Variants in UNKL observed in about 807,000 individuals in gnomAD.
UNKL encodes putative E3 ubiquitin-protein ligase UNKL.
Under a neutral mutation model 78.0 loss-of-function variants are expected in UNKL, and 60 were observed. The ratio of observed to expected loss-of-function variants is 0.77; its 90% CI spans 0.63 to 0.95. UNKL has a LOEUF of 0.95. UNKL is among the 40% of genes least tolerant of loss of function. UNKL has a pLI of 0.00. For synonymous variants in UNKL, 608 were observed against 474.8 expected, an observed-to-expected ratio of 1.28 and a Z score of -3.65; for missense variants, 1,159 against 1,045.7, an observed-to-expected ratio of 1.11 and a Z score of -1.49.
At position 1,401,689 on chromosome 16, in the gene UNKL, G is replaced by A. The variant is rs766414011; in HGVS notation, c.477C>T (p.Ala159=). 7.5e-6 allele frequency: 12 copies of A among 1,610,528 alleles called. No individual in the cohort carries two copies. The highest frequency in any genetic ancestry group is 9.3e-6 in the Non-Finnish European group (11 of 1,178,998). The stretch of plus-strand genomic sequence containing the variant: ...GCTGGCCGTTCTGCAAGGCTTCCTG[G>A]GCCTGCAGCTCCCTGCAAGCCGAGG... ...PPVCDVRELQ[A]QEALQNGQLG... The change falls in exon 4 of 15, where the codon GCC becomes GCT. Residue 159 remains alanine (A), a synonymous_variant. Coordinates refer to ENST00000389221, the MANE Select transcript of UNKL (RefSeq NM_001372107.1).
intron 2 of UNKL, among the ~76,000 whole-genome samples, chr16:1,408,157 G>T (rs1048490061): frequency 6.6e-6 from 1 of 152,164 alleles, no homozygotes; most frequent in Non-Finnish European, 1.5e-5. Flanking sequence ...GTCCCGCGGG[G>T]CGCCTTTTCT....
Position 1,366,342 on chromosome 16 carries a change from G to C in UNKL, c.2100C>G (p.His700Gln). ...GCTGACAGGGCCGCAGGACAGCACC[G>C]TGGGCCCGCTCCCGGCAGGCCACAC... ...KQCVACRERAHGAVLRPCQHH... is the reference protein window; with the variant it reads ...KQCVACRERAQGAVLRPCQHH... Residue 700 changes from histidine (H) to glutamine (Q), a missense_variant, in exon 15 of 15, where the codon CAC becomes CAG. By Grantham distance (24) the His-to-Gln change is conservative. Transcript: ENST00000389221. 6.2e-7 allele frequency: 1 copy of C among 1,604,584 alleles called. No individual in the cohort carries two copies. The highest frequency in any genetic ancestry group is 8.5e-7 in the Non-Finnish European group (1 of 1,176,368).
rs772548230 is a variant in UNKL, at chr16:1,401,570, T to C, written c.596A>G (p.Gln199Arg). ...CTCAGCTGCGGCCGTGGAGTTACCT[T>C]GCCACCGGGGGTCCTCGCTCAGGAT... is the stretch of plus-strand genomic sequence containing the variant. ...EKILSEDPRW[Q>R]DANFVLGSYK... is the part of the protein sequence containing the mutation. The change falls in exon 4 of 15, where the codon CAA becomes CGA. Residue 199 changes from glutamine (Q) to arginine (R), a missense_variant and splice_region_variant. Physicochemically the swap from Gln to Arg is conservative, Grantham distance 43. Transcript: ENST00000389221. 4 of 1,563,212 alleles carry C rather than the reference T, an allele frequency of 2.6e-6. No individual in the cohort carries two copies. Among genetic ancestry groups the C allele is most frequent in the Non-Finnish European group, 3.5e-6 (4 of 1,149,310 alleles).
At chr16:1,390,543 C>T (rs978365542) in intron 9 of UNKL, 89 bp downstream of exon 9, 18 of 1,413,072 alleles carry the variant, frequency 1.3e-5, no homozygotes, top group African/African-American at 1.1e-4. Flanking sequence ...GCTGCCCTAA[C>T]GCGATGCCAC....
Position 1,399,050 on chromosome 16 carries a change from G to GGCACGGGTGGGGC in UNKL, c.734+311_734+323dup. 7.1e-7 allele frequency: 1 copy of GGCACGGGTGGGGC among 1,411,462 alleles called. No individual in the cohort carries two copies. 87.4% of individuals were successfully genotyped at this position (1,411,462 alleles called of 1,614,324 possible). A position where few individuals can be genotyped will look rare whatever the true frequency, so the allele number is the denominator to read the frequency against. ...GCTGGAGAGCGTGGCTGCAACCAGA[G>GGCACGGGTGGGGC]GCACGGGTGGGGCACACGGGGGTCC... is the stretch of plus-strand genomic sequence containing the variant. On this transcript the variant is annotated intron_variant, in intron 5 of 14. Coordinates refer to ENST00000389221, the MANE Select transcript of UNKL (RefSeq NM_001372107.1). The surrounding 1 kb of genome is among the most constrained non-coding windows in gnomAD (Gnocchi z 5.8).
chr16:1,390,786 T>C (rs982930766), intron 8 of UNKL, 92 bp from the exon 9 acceptor site: 3 of 1,394,648 alleles, frequency 2.2e-6, no homozygotes, highest in Non-Finnish European at 2.9e-6. Flanking sequence ...TGGCAGCACT[T>C]TGGGAGGCTG....
Position 1,385,316 on chromosome 16 carries a change from GGCTGGACGCCAC to G in UNKL, c.1144_1155del (p.Val382_Ser385del), listed in dbSNP as rs1567219003. ...CTGCCGGAGCCGGCGCTGGACGCCA[GGCTGGACGCCAC>G]GCTGGAGCTCACGCTGGGGGCCGGC... On this transcript the variant is annotated inframe_deletion, in exon 10 of 15. Transcript: ENST00000389221. 11 of 1,414,810 alleles carry G rather than the reference GGCTGGACGCCAC, an allele frequency of 7.8e-6. No individual in the cohort carries two copies. Among genetic ancestry groups the G allele is most frequent in the South Asian group, 3.0e-5 (2 of 67,786 alleles). The allele number at this position is 1,414,810 out of a possible 1,614,324, so 87.6% of individuals were successfully genotyped here. A position where few individuals can be genotyped will look rare whatever the true frequency, so the allele number is the denominator to read the frequency against.
At chr16:1,384,554 C>T (rs113705834) in intron 10 of UNKL, among the ~76,000 whole-genome samples, 67 of 152,206 alleles carry the variant, frequency 4.4e-4, no homozygotes, top group African/African-American at 1.5e-3. Flanking sequence ...ACTCCCCACC[C>T]CATCACTGTC....
intron 6 of UNKL, chr16:1,395,571 C>A: frequency 4.9e-6 from 2 of 410,500 alleles, no homozygotes; most frequent in Admixed American, 2.5e-5. Context: ...CTAGTGGAGG[C>A]ACAGGCCTGG....
chr16:1,385,254 A>G lies in UNKL; in HGVS notation c.1218T>C (p.Arg406=), dbSNP rs2036764113. Residue 406 remains arginine (R), a synonymous_variant, in exon 10 of 15, where the codon CGT becomes CGC. Coordinates refer to ENST00000389221, the MANE Select transcript of UNKL (RefSeq NM_001372107.1). ...TGCTGGCGGGGCCGAGCGGGAGGGC[A>G]CGGGCGGGGGGCGCGGGCAGCGCAG... ...SPTALPAPPA[R]ALPLGPASST... 20 of 1,320,664 alleles carry G rather than the reference A, an allele frequency of 1.5e-5. No individual in the cohort carries two copies. The South Asian group carries it at 3.5e-4, about 23-fold the overall frequency. The allele number at this position is 1,320,664 out of a possible 1,614,324, so 81.8% of individuals were successfully genotyped here.
chr16:1,371,381 T>C (rs2035824640), intron 11 of UNKL, 138 bp downstream of exon 11: 1 of 783,244 alleles, frequency 1.3e-6, no homozygotes, highest in Admixed American at 2.6e-5. Context: ...TCTTGCCCTG[T>C]GGTCCAGGCA....
At position 1,392,904 on chromosome 16, in the gene UNKL, C is replaced by G; in HGVS notation, c.1010G>C (p.Gly337Ala). 6.4e-7 allele frequency: 1 copy of G among 1,550,596 alleles called. No individual in the cohort carries two copies. Among genetic ancestry groups the G allele is most frequent in the African/African-American group, 1.4e-5 (1 of 73,190 alleles). ...CCGTTCACTTACATTTCCCGGCTGG[C>G]CGCTGCCCGTGGAGGAAGGACTCGT... is the stretch of plus-strand genomic sequence containing the variant. Reference protein sequence around the residue: ...HLTSPSSTGSGQPGNAKRRDS... With the variant: ...HLTSPSSTGSAQPGNAKRRDS... Residue 337 changes from glycine (G) to alanine (A), a missense_variant, in exon 8 of 15, where the codon GGC (glycine) becomes GCC (alanine). Transcript: ENST00000389221.
intron 10 of UNKL, among the ~76,000 whole-genome samples, chr16:1,380,171 T>C (rs1381182207): frequency 6.6e-6 from 1 of 152,262 alleles, no homozygotes; most frequent in Non-Finnish European, 1.5e-5. Context: ...ACCTATCAGA[T>C]GGGTCTGAAA....
At chr16:1,372,272 CAA>C (rs1336295849) in intron 10 of UNKL, among the ~76,000 whole-genome samples, 1 of 151,386 alleles carries the variant, frequency 6.6e-6, no homozygotes, top group Non-Finnish European at 1.5e-5. Context: ...TCAAAAAAAA[CAA>C]AAACAAAAAC....
chr16:1,412,965 C>CAGCT (rs1004660634), intron 2 of UNKL, among the ~76,000 whole-genome samples: 22 of 152,126 alleles, frequency 1.4e-4, no homozygotes, highest in African/African-American at 5.3e-4. Flanking sequence ...GAGTGGGAAA[C>CAGCT]AGCTAGGCAC....
At chr16:1,409,497 A>G (rs1016542059) in intron 2 of UNKL, among the ~76,000 whole-genome samples, 2 of 152,230 alleles carry the variant, frequency 1.3e-5, no homozygotes, top group African/African-American at 4.8e-5. Context: ...AATCTTAAAT[A>G]AAATAAGGAA....
Position 1,412,778 on chromosome 16 carries a change from C to T in UNKL, c.287+1068G>A, listed in dbSNP as rs550655830. ...CACTACAAAACGCTTCAAAACCTGGCCGGGCGCAGTGGATCATGCCTGGAA... is the reference window on the plus strand; with the variant it reads ...CACTACAAAACGCTTCAAAACCTGGTCGGGCGCAGTGGATCATGCCTGGAA... On this transcript the variant is annotated intron_variant, in intron 2 of 14. Coordinates refer to ENST00000389221, the MANE Select transcript of UNKL (RefSeq NM_001372107.1). 2.6e-5 allele frequency among the ~76,000 whole-genome samples: 4 copies of T among 152,292 alleles called. No homozygotes were observed. In the South Asian group the frequency reaches 6.2e-4, roughly 24 times the overall value.
In UNKL at chr16:1,369,055, G is replaced by GT. The variant is rs1218071522; in HGVS notation, c.1585+1074dup. Among the ~76,000 whole-genome samples the GT allele has an allele frequency of 2.8e-3, 149 of 53,706 alleles. 11 individuals carry two copies. Among genetic ancestry groups the GT allele is most frequent in the African/African-American group, 6.1e-3 (79 of 13,022 alleles). The allele number at this position is 53,706 out of a possible 152,430, so 35.2% of individuals were successfully genotyped here. A position where few individuals can be genotyped will look rare whatever the true frequency, so the allele number is the denominator to read the frequency against. ...GCCACTATGTTGGCCCAAAGTATTA[G>GT]TTTTTTTTTTTTTTTTTTTTTTTTT... On this transcript the variant is annotated intron_variant, in intron 12 of 14. Transcript: ENST00000389221.
intron 2 of UNKL, among the ~76,000 whole-genome samples, chr16:1,404,180 C>T (rs1001735463): frequency 6.6e-6 from 1 of 152,202 alleles, no homozygotes; most frequent in African/African-American, 2.4e-5. Context: ...TGGCTGGTCA[C>T]AGAATCACCC....
Sources: gnomAD v4.1 joint callset for allele counts (sites outside exome capture counted in the v4.1 genomes callset) on GRCh38, gnomAD v4.1.1 for gene constraint, Gnocchi (gnomAD v3.1) non-coding constraint, MANE v1.5 for transcripts, NCBI Gene and HGNC (gene_info 2026-07-23, HGNC 2026-07-21) for gene names.